FAT2: variants seen among roughly 807,000 people sequenced by gnomAD.
FAT2 encodes FAT atypical cadherin 2.
FAT2 carries 150 observed loss-of-function variants against 295.3 expected under a neutral mutation model. The ratio of observed to expected loss-of-function variants is 0.51; its 90% CI spans 0.44 to 0.58. The LOEUF is 0.58. FAT2 is among the 20% of genes least tolerant of loss of function. The pLI, the probability that FAT2 is intolerant of heterozygous loss-of-function variation, is 0.00. For missense variants in FAT2, 4,868 were observed against 5,442.7 expected, an observed-to-expected ratio of 0.89 and a Z score of 3.32; for synonymous variants, 2,026 against 2,150.3, an observed-to-expected ratio of 0.94 and a Z score of 1.60.
At position 151,568,443 on chromosome 5, in the gene FAT2, C is replaced by T. The variant is rs574700447; in HGVS notation, c.489G>A (p.Leu163=). 19 of 1,614,184 alleles carry T rather than the reference C, an allele frequency of 1.2e-5. No homozygotes were observed. In the East Asian group the frequency reaches 3.8e-4, roughly 32 times the overall value. The change falls in exon 2 of 24, where the codon CTG becomes CTA. Residue 163 remains leucine, a synonymous_variant. Transcript: ENST00000261800. The stretch of plus-strand genomic sequence containing the variant: ...CAGTCACCTTGCAGATGGGGCTCTT[C>T]AGGGGCATGTCCTCAGAGATGGTGA... ...YRVTISEDMP[L]KSPICKVTAT...
chr5:151,566,119 A>G lies in FAT2; in HGVS notation c.2813T>C (p.Leu938Pro), dbSNP rs2127645311. 1 of 1,614,138 alleles carries G rather than the reference A, an allele frequency of 6.2e-7. No individual in the cohort carries two copies. The change falls in exon 2 of 24, where the codon CTG (leucine) becomes CCG (proline). Residue 938 changes from leucine (L) to proline (P), a missense_variant. This residue lies in a region of FAT2 where 3,297 missense variants were observed against 3,669.4 expected (regional missense o/e 0.90). Coordinates refer to ENST00000261800, the MANE Select transcript of FAT2 (RefSeq NM_001447.3). Reference protein sequence around the residue: ...EHNRLKVPEDLPPGTVLTFLD... With the variant: ...EHNRLKVPEDPPPGTVLTFLD... Reference sequence around the variant, plus strand: ...AAATGTCAAGACAGTCCCGGGGGGCAGGTCCTCTGGAACCTTCAGCCTGTT... The same window carrying G: ...AAATGTCAAGACAGTCCCGGGGGGCGGGTCCTCTGGAACCTTCAGCCTGTT...
chr5:151,592,321 T>C (rs1759445246), upstream of FAT2, among the ~76,000 whole-genome samples: 3 of 152,194 alleles, frequency 2.0e-5, no homozygotes, highest in Non-Finnish European at 4.4e-5. Flanking sequence ...GAGGCCCATG[T>C]CTACCTTTTC....
Position 151,549,374 on chromosome 5 carries a change from G to T in FAT2, c.4710C>A (p.Pro1570=), listed in dbSNP as rs139005657. 1 of 1,613,920 alleles carries T rather than the reference G, an allele frequency of 6.2e-7. No individual in the cohort carries two copies. Among genetic ancestry groups the T allele is most frequent in the Non-Finnish European group, 8.5e-7 (1 of 1,179,972 alleles). The change falls in exon 9 of 24, where the codon CCC becomes CCA. Residue 1570 remains proline, a synonymous_variant. Transcript: ENST00000261800. ...CTCGGACCTGCAGCAGCTCTGTGCC[G>T]GGGGCTATGGTGTCAGGAACACTTG... ...YEASVPDTIA[P]GTELLQVRAM...
intron 3 of FAT2, among the ~76,000 whole-genome samples, chr5:151,556,683 T>C (rs146196556): frequency 3.1e-4 from 47 of 152,324 alleles, no homozygotes; most frequent in African/African-American, 1.1e-3. Flanking sequence ...TGAGTACAAA[T>C]ACTGAAGTGT....
At position 151,512,717 on chromosome 5, in the gene FAT2, G is replaced by GTGT; in HGVS notation, c.11464-114_11464-112dup. The GTGT allele has an allele frequency of 3.0e-6, 3 of 998,426 alleles. No homozygotes were observed. The highest frequency in any genetic ancestry group is 4.4e-6 in the Non-Finnish European group (3 of 682,748). The allele number at this position is 998,426 out of a possible 1,614,324, so 61.8% of individuals were successfully genotyped here. A position where few individuals can be genotyped will look rare whatever the true frequency, so the allele number is the denominator to read the frequency against. On this transcript the variant is annotated intron_variant, in intron 20 of 23. Coordinates refer to ENST00000261800, the MANE Select transcript of FAT2 (RefSeq NM_001447.3). The surrounding 1 kb of genome is among the most constrained non-coding windows in gnomAD (Gnocchi z 4.1). ...TTGTATTTTTATGGGTAGGAGGGGG[G>GTGT]TGTTTGGCTGTTTTAGACATGGCAT...
At chr5:151,591,464 G>A (rs2127667436), upstream of FAT2, among the ~76,000 whole-genome samples, 1 of 152,280 alleles carries the variant, frequency 6.6e-6, no homozygotes, top group Middle Eastern at 3.4e-3. Flanking sequence ...ACTCACGGTG[G>A]GGAATCAAGT....
At chr5:151,532,009 G>A (rs551507589) in intron 13 of FAT2, 39 bp from the exon 14 acceptor site, 4 of 1,604,610 alleles carry the variant, frequency 2.5e-6, no homozygotes, top group African/African-American at 1.3e-5. Context: ...CACTGAGGGC[G>A]CCTCCTCTGG....
At position 151,568,904 on chromosome 5, in the gene FAT2, TGGCAAAACCCAGCAG is replaced by T; in HGVS notation, c.13_27del (p.Leu5_Ala9del). The T allele has an allele frequency of 6.2e-7, 1 of 1,611,878 alleles. No individual in the cohort carries two copies. Among genetic ancestry groups the T allele is most frequent in the Non-Finnish European group, 8.5e-7 (1 of 1,179,060 alleles). On this transcript the variant is annotated inframe_deletion, in exon 2 of 24. Coordinates refer to ENST00000261800, the MANE Select transcript of FAT2 (RefSeq NM_001447.3). ...CAGGTCGCACAATGGAGCAAGAATATGGCAAAACCCAGCAGGGCAATAGTCATGGTGGAAAACTCC... is the reference window on the plus strand; with the variant it reads ...CAGGTCGCACAATGGAGCAAGAATATGGCAATAGTCATGGTGGAAAACTCC...
chr5:151,522,047 A>T lies in FAT2; in HGVS notation c.10546T>A (p.Ser3516Thr). 4 of 1,605,032 alleles carry T rather than the reference A, an allele frequency of 2.5e-6. No homozygotes were observed. The highest frequency in any genetic ancestry group is 3.4e-6 in the Non-Finnish European group (4 of 1,172,762). Residue 3516 changes from serine to threonine, a missense_variant, in exon 19 of 24, where the codon TCT (serine) becomes ACT (threonine). Coordinates refer to ENST00000261800, the MANE Select transcript of FAT2 (RefSeq NM_001447.3). ...SGIPPLSSLTSVRVHVTEQSH... is the reference protein window; with the variant it reads ...SGIPPLSSLTTVRVHVTEQSH... ...TGCTCTGTGACATGGACACGGACAG[A>T]CGTCAAAGACGAGAGGGGAGGGATG...
intron 13 of FAT2, among the ~76,000 whole-genome samples, chr5:151,532,198 A>G (rs1754708652): frequency 1.3e-5 from 2 of 152,208 alleles, no homozygotes; most frequent in South Asian, 2.1e-4. Context: ...CTGCAAATCT[A>G]TCAAACTATC....
intron 3 of FAT2, among the ~76,000 whole-genome samples, chr5:151,563,029 C>T (rs148995005): frequency 1.8e-4 from 27 of 152,126 alleles, no homozygotes; most frequent in African/African-American, 6.5e-4. Context: ...TTCCTTGGGC[C>T]CCAAGGAAAG....
At position 151,505,550 on chromosome 5, in the gene FAT2, T is replaced by C. The variant is rs1581256860; in HGVS notation, c.*15A>G. ...GTCCTTGGCCTCCCGCCTGCCTTGC[T>C]CTGGGAATGGGAAGCTAGAACATGA... On this transcript the variant is annotated 3_prime_UTR_variant, in exon 24 of 24. Transcript: ENST00000261800. 6 of 1,613,890 alleles carry C rather than the reference T, an allele frequency of 3.7e-6. No individual in the cohort carries two copies. The highest frequency in any genetic ancestry group is 5.1e-6 in the Non-Finnish European group (6 of 1,179,932).
chr5:151,562,840 C>G (rs138897540), intron 3 of FAT2, among the ~76,000 whole-genome samples: 1 of 152,198 alleles, frequency 6.6e-6, no homozygotes, highest in African/African-American at 2.4e-5. Context: ...GGCAGGTGCT[C>G]CTGAGATGGT....
intron 20 of FAT2, among the ~76,000 whole-genome samples, chr5:151,514,922 G>C (rs2082385): frequency 0.79 from 119,713 of 152,242 alleles, 47,531 homozygotes; most frequent in East Asian, 0.96. Flanking sequence ...TACACACATG[G>C]TGTTATTGCT....
At chr5:151,514,122 C>G (rs576054529) in intron 20 of FAT2, among the ~76,000 whole-genome samples, 17 of 152,328 alleles carry the variant, frequency 1.1e-4, no homozygotes, top group African/African-American at 4.1e-4. Flanking sequence ...TAGACCACCT[C>G]TCAGATTTTT....
intron 1 of FAT2, among the ~76,000 whole-genome samples, chr5:151,576,345 T>G (rs528401480): frequency 6.6e-6 from 1 of 152,352 alleles, no homozygotes; most frequent in South Asian, 2.1e-4. Context: ...TCTGGAACAG[T>G]GGCCTCAACT....
chr5:151,520,219 G>A (rs1357326152), intron 19 of FAT2, among the ~76,000 whole-genome samples: 4 of 152,264 alleles, frequency 2.6e-5, no homozygotes, highest in Admixed American at 1.3e-4. Flanking sequence ...AGGAGCGCTG[G>A]TGAGCTGAAG....
chr5:151,505,208 T>C lies in FAT2; in HGVS notation c.*357A>G, dbSNP rs753801183. 2.8e-6 allele frequency: 1 copy of C among 355,830 alleles called. No individual in the cohort carries two copies. The highest frequency in any genetic ancestry group is 7.1e-5 in the East Asian group (1 of 14,116). The allele number at this position is 355,830 out of a possible 1,614,324, so 22.0% of individuals were successfully genotyped here. ...GTATGAGAATGCATCTTGGTGAAGT[T>C]GAGCCAGCACAGTCAATCAGGCTCT... On this transcript the variant is annotated 3_prime_UTR_variant, in exon 24 of 24. Coordinates refer to ENST00000261800, the MANE Select transcript of FAT2 (RefSeq NM_001447.3).
intron 1 of FAT2, among the ~76,000 whole-genome samples, chr5:151,570,623 A>G (rs1361071929): frequency 1.3e-5 from 2 of 152,212 alleles, no homozygotes; most frequent in Non-Finnish European, 2.9e-5. Flanking sequence ...AGGGTTTGGC[A>G]GGGCCATGTG....
Sources: allele counts gnomAD v4.1 joint callset (sites outside exome capture counted in the v4.1 genomes callset), GRCh38; gene constraint gnomAD v4.1.1; regional missense constraint gnomAD v4.1.1; non-coding constraint Gnocchi (gnomAD v3.1); transcripts MANE v1.5; gene names NCBI Gene and HGNC (gene_info 2026-07-23, HGNC 2026-07-21).